SEMA6D: variants seen among roughly 807,000 people sequenced by gnomAD.
SEMA6D encodes semaphorin-6D.
Under a neutral mutation model 106.6 loss-of-function variants are expected in SEMA6D, and 35 were observed. The ratio of observed to expected loss-of-function variants is 0.33; its 90% CI spans 0.25 to 0.44. The LOEUF is 0.44. SEMA6D is among the 20% of genes least tolerant of loss of function. The pLI, the probability that SEMA6D is intolerant of heterozygous loss-of-function variation, is 1.00. For missense variants in SEMA6D, 1,185 were observed against 1,345.9 expected (o/e 0.88, Z 1.87); for synonymous variants, 499 against 487.7 (o/e 1.02, Z -0.31).
At chr15:47,285,663 G>A (rs932017565) in intron 1 of SEMA6D, among the ~76,000 whole-genome samples, 3 of 152,242 alleles carry the variant, frequency 2.0e-5, no homozygotes, top group Middle Eastern at 3.4e-3. Context: ...GGTAGACAAC[G>A]AGAAGAACTG....
chr15:47,231,297 T>G (rs2032179695), intron 1 of SEMA6D, among the ~76,000 whole-genome samples: 1 of 151,980 alleles, frequency 6.6e-6, no homozygotes, highest in South Asian at 2.1e-4. Context: ...AAATTTTATT[T>G]TCAGCACACC....
At chr15:47,314,209 G>A (rs1011787131) in intron 1 of SEMA6D, among the ~76,000 whole-genome samples, 65 of 152,120 alleles carry the variant, frequency 4.3e-4, no homozygotes, top group African/African-American at 1.5e-3. Context: ...CTTTTCATAT[G>A]ATTATTTGCT....
At chr15:47,660,395 C>T (rs1031822122) in intron 4 of SEMA6D, among the ~76,000 whole-genome samples, 16 of 152,030 alleles carry the variant, frequency 1.1e-4, no homozygotes, top group African/African-American at 3.9e-4. Flanking sequence ...TTAAACATGG[C>T]AGATCTATAT....
At chr15:47,186,484 C>T (rs1035232434) in intron 1 of SEMA6D, among the ~76,000 whole-genome samples, 3 of 151,432 alleles carry the variant, frequency 2.0e-5, no homozygotes, top group African/African-American at 7.3e-5. Context: ...TCTCTTTTAT[C>T]ATAATGTTTA....
chr15:47,585,552 A>G (rs1031136661), intron 3 of SEMA6D, among the ~76,000 whole-genome samples: 9 of 152,192 alleles, frequency 5.9e-5, no homozygotes, highest in Non-Finnish European at 1.0e-4. Flanking sequence ...AAGAAATAAG[A>G]GAAAGACAGG....
At chr15:47,531,161 A>G (rs1396379553) in intron 3 of SEMA6D, among the ~76,000 whole-genome samples, 6 of 152,234 alleles carry the variant, frequency 3.9e-5, no homozygotes, top group Non-Finnish European at 7.3e-5. Flanking sequence ...CTTTATATGT[A>G]TATGAAAAGT....
chr15:47,470,345 A>C (rs2042797800), intron 2 of SEMA6D: 1 of 150,780 alleles, frequency 6.6e-6, no homozygotes, highest in African/African-American at 2.5e-5. Context: ...AATTGCTTAT[A>C]TCAACTGGAA....
intron 11 of SEMA6D, 141 bp from the exon 12 acceptor site, chr15:47,764,497 G>T (rs1260519151): frequency 2.4e-6 from 3 of 1,273,342 alleles, no homozygotes; most frequent in Non-Finnish European, 2.2e-6. Flanking sequence ...GAATTCAGGG[G>T]CATAGCATTG....
rs2032540554 is a variant in SEMA6D, at chr15:47,236,381, C to A, written c.-239+51963C>A. On this transcript the variant is annotated intron_variant, in intron 1 of 19. Transcript: ENST00000558014. ...CCACCCCCATGTTGCCATATTTTTC[C>A]AGAGTCAATATAATAGAATTCTAAG... Among the ~76,000 whole-genome samples, 3 of 152,038 alleles carry A rather than the reference C, an allele frequency of 2.0e-5. No homozygotes were observed. The South Asian group carries it at 6.2e-4, about 31-fold the overall frequency.
chr15:47,504,242 A>G (rs561778860), intron 3 of SEMA6D, among the ~76,000 whole-genome samples: 106 of 152,116 alleles, frequency 7.0e-4, no homozygotes, highest in Non-Finnish European at 1.2e-3. Context: ...TCTACTCCCA[A>G]CTTCTGAATT....
chr15:47,486,444 A>G (rs577279248), intron 3 of SEMA6D, among the ~76,000 whole-genome samples: 18 of 152,336 alleles, frequency 1.2e-4, no homozygotes, highest in South Asian at 4.1e-4. Context: ...GAAGATGTCA[A>G]TACTCCCCAA....
chr15:47,762,354 G>A (rs757704879), intron 8 of SEMA6D, 35 bp downstream of exon 8: 2 of 1,608,294 alleles, frequency 1.2e-6, no homozygotes, highest in South Asian at 2.2e-5. Context: ...GGGTCACCAG[G>A]ATAGTGGATG....
chr15:47,703,376 G>T (rs907953250), intron 4 of SEMA6D, among the ~76,000 whole-genome samples: 1 of 152,104 alleles, frequency 6.6e-6, no homozygotes, highest in South Asian at 2.1e-4. Context: ...ATACAAGTTT[G>T]CTATTTAAAT....
At chr15:47,286,627 G>A (rs1370583847) in intron 1 of SEMA6D, among the ~76,000 whole-genome samples, 5 of 152,154 alleles carry the variant, frequency 3.3e-5, no homozygotes, top group African/African-American at 1.2e-4. Context: ...ACTGCAATAT[G>A]TTGTGTTATG....
At chr15:47,653,701 C>T (rs1313101882) in intron 4 of SEMA6D, among the ~76,000 whole-genome samples, 2 of 152,230 alleles carry the variant, frequency 1.3e-5, no homozygotes, top group Non-Finnish European at 1.5e-5. Flanking sequence ...ATATGCCTTG[C>T]CCATGCAACA....
At chr15:47,313,107 T>G (rs2036511114) in intron 1 of SEMA6D, among the ~76,000 whole-genome samples, 1 of 152,208 alleles carries the variant, frequency 6.6e-6, no homozygotes, top group Admixed American at 6.5e-5. Context: ...TTTCAGCTGA[T>G]GAATCTTCAT....
intron 3 of SEMA6D, among the ~76,000 whole-genome samples, chr15:47,533,020 G>T (rs2045028112): frequency 6.6e-6 from 1 of 152,054 alleles, no homozygotes; most frequent in Non-Finnish European, 1.5e-5. Context: ...CATCTTCCAT[G>T]GCACATTCAC....
chr15:47,565,535 A>G (rs2046206250), intron 3 of SEMA6D, among the ~76,000 whole-genome samples: 1 of 152,218 alleles, frequency 6.6e-6, no homozygotes, highest in Admixed American at 6.5e-5. Flanking sequence ...AATACTATTG[A>G]GAATGTTTTG....
intron 2 of SEMA6D, among the ~76,000 whole-genome samples, chr15:47,437,330 C>T (rs1202752222): frequency 6.6e-6 from 1 of 151,952 alleles, no homozygotes; most frequent in African/African-American, 2.4e-5. Context: ...GTTTTTACTC[C>T]CATCACTAAG....
Sources: allele counts gnomAD v4.1 joint callset (sites outside exome capture counted in the v4.1 genomes callset), GRCh38; gene constraint gnomAD v4.1.1; transcripts MANE v1.5; gene names NCBI Gene and HGNC (gene_info 2026-07-23, HGNC 2026-07-21).